VAT1L: variants seen among roughly 807,000 people sequenced by gnomAD.
The protein encoded by VAT1L is vesicle amine transport 1 like.
In VAT1L, 34 loss-of-function variants were observed where a neutral mutation model predicts 44.1. The observed-to-expected ratio is 0.77, with a 90% CI of 0.59 to 1.03. The LOEUF is 1.03. VAT1L is among the 50% of genes least tolerant of loss of function. The pLI is 0.00. For missense variants in VAT1L, 615 were observed against 538.8 expected (o/e 1.14, Z -1.40); for synonymous variants, 253 against 202.2 (o/e 1.25, Z -2.13).
chr16:77,945,974 G>A (rs543396931), intron 7 of VAT1L, among the ~76,000 whole-genome samples: 93 of 151,916 alleles, frequency 6.1e-4, no homozygotes, highest in Admixed American at 8.5e-4. Context: ...CCTAATTTTT[G>A]TATTTGTAGC....
chr16:77,972,313 G>T (rs909809328), intron 8 of VAT1L, among the ~76,000 whole-genome samples: 1 of 151,954 alleles, frequency 6.6e-6, no homozygotes, highest in African/African-American at 2.4e-5. Context: ...TGGTTCCACA[G>T]ATTTTTTTTT....
In VAT1L at chr16:77,894,777, G is replaced by A. The variant is rs577923922; in HGVS notation, c.1077+9975G>A. On this transcript the variant is annotated intron_variant, in intron 7 of 8. Coordinates refer to ENST00000302536, the MANE Select transcript of VAT1L (RefSeq NM_020927.3). ...CTAAGATAGATATGCTAGTATACAC[G>A]TATATTACACATGAGAAAGGGAGAG... is the stretch of plus-strand genomic sequence containing the variant. Among the ~76,000 whole-genome samples, 8 of 152,194 alleles carry A rather than the reference G, an allele frequency of 5.3e-5. No individual in the cohort carries two copies. The South Asian group carries it at 6.2e-4, about 12-fold the overall frequency.
At chr16:77,951,281 C>G (rs1312408390) in intron 7 of VAT1L, among the ~76,000 whole-genome samples, 4 of 152,210 alleles carry the variant, frequency 2.6e-5, no homozygotes, top group Non-Finnish European at 5.9e-5. Flanking sequence ...TGTAGTGGCT[C>G]ACGCCTGTAA....
At chr16:77,961,301 C>T (rs567332148) in intron 7 of VAT1L, among the ~76,000 whole-genome samples, 7 of 152,118 alleles carry the variant, frequency 4.6e-5, no homozygotes, top group Non-Finnish European at 8.8e-5. Context: ...GCCCACTCCG[C>T]TTTGCTAAGT....
At chr16:77,908,181 G>T (rs2142482311) in intron 7 of VAT1L, among the ~76,000 whole-genome samples, 1 of 151,676 alleles carries the variant, frequency 6.6e-6, no homozygotes, top group African/African-American at 2.4e-5. Context: ...GGAGCTTGCA[G>T]TGAGCCGAGA....
chr16:77,803,486 C>G (rs1285661830), intron 1 of VAT1L, among the ~76,000 whole-genome samples: 1 of 130,368 alleles, frequency 7.7e-6, no homozygotes, highest in Admixed American at 9.8e-5. Flanking sequence ...ATGGTGCGAT[C>G]TCGGCTCACT....
chr16:77,811,996 G>C (rs189454018), intron 1 of VAT1L, among the ~76,000 whole-genome samples: 51 of 152,080 alleles, frequency 3.4e-4, no homozygotes, highest in Non-Finnish European at 5.0e-4. Context: ...AAACTCCACC[G>C]CTAATTGATG....
At chr16:77,934,997 A>AG (rs1252819479) in intron 7 of VAT1L, among the ~76,000 whole-genome samples, 2 of 152,034 alleles carry the variant, frequency 1.3e-5, no homozygotes, top group East Asian at 3.9e-4. Context: ...CTTTGAGTAT[A>AG]GGGGGGATAA....
intron 1 of VAT1L, among the ~76,000 whole-genome samples, chr16:77,802,985 G>A (rs368863089): frequency 5.3e-5 from 8 of 152,214 alleles, no homozygotes; most frequent in African/African-American, 1.2e-4. Context: ...GATTTCTTTC[G>A]TGAGAAGAAA....
chr16:77,977,750 T>G lies in VAT1L; in HGVS notation c.*55T>G, dbSNP rs968659306. On this transcript the variant is annotated 3_prime_UTR_variant, in exon 9 of 9. Transcript: ENST00000302536. ...ATGGTTTGGAAGATGAGGACCCGGC[T>G]GAGAAAACTCTTCTGTGCCCCAGTG... 6.5e-7 allele frequency: 1 copy of G among 1,538,310 alleles called. No homozygotes were observed. Among genetic ancestry groups the G allele is most frequent in the African/African-American group, 1.4e-5 (1 of 73,162 alleles).
chr16:77,977,060 G>A (rs908299529), intron 8 of VAT1L, among the ~76,000 whole-genome samples: 4 of 152,118 alleles, frequency 2.6e-5, no homozygotes, highest in Non-Finnish European at 5.9e-5. Flanking sequence ...GCGCTCCAGG[G>A]GCACCTCTTG....
At chr16:77,829,059 A>G (rs2016552452) in intron 3 of VAT1L, among the ~76,000 whole-genome samples, 1 of 152,178 alleles carries the variant, frequency 6.6e-6, no homozygotes, top group African/African-American at 2.4e-5. Flanking sequence ...AGAAAATCAA[A>G]GTAGCGAATT....
At chr16:77,799,554 T>G (rs867714654) in intron 1 of VAT1L, among the ~76,000 whole-genome samples, 41 of 111,920 alleles carry the variant, frequency 3.7e-4, no homozygotes, top group African/African-American at 1.4e-3. Context: ...TGTGTGTGTG[T>G]GTGGTGTGTA....
Position 77,825,382 on chromosome 16 carries a change from C to T in VAT1L, c.500C>T (p.Thr167Ile), listed in dbSNP as rs1193461786. The T allele has an allele frequency of 6.2e-7, 1 of 1,613,916 alleles. No individual in the cohort carries two copies. Among genetic ancestry groups the T allele is most frequent in the Non-Finnish European group, 8.5e-7 (1 of 1,179,954 alleles). The change falls in exon 3 of 9, where the codon ACA becomes ATA. Residue 167 changes from threonine to isoleucine, a missense_variant. By Grantham distance (89) the Thr-to-Ile change is moderately conservative. Transcript: ENST00000302536. ...EAAAFPMNFV[T>I]AYVMLFEVAN... is the part of the protein sequence containing the mutation. ...GCTGCATTCCCCATGAACTTCGTCA[C>T]AGCCTATGTGATGCTGTTTGAAGTT...
intron 7 of VAT1L, among the ~76,000 whole-genome samples, chr16:77,911,376 T>G (rs1472970293): frequency 6.6e-6 from 1 of 152,176 alleles, no homozygotes. Flanking sequence ...TCTCATCCTG[T>G]GGCATAGTGT....
intron 7 of VAT1L, among the ~76,000 whole-genome samples, chr16:77,958,386 C>T (rs1464752896): frequency 3.9e-5 from 6 of 152,172 alleles, no homozygotes; most frequent in South Asian, 2.1e-4. Context: ...GATATTTTCC[C>T]GCAGGTCTTT....
At chr16:77,957,970 T>C (rs1420728194) in intron 7 of VAT1L, among the ~76,000 whole-genome samples, 1 of 152,066 alleles carries the variant, frequency 6.6e-6, no homozygotes, top group Non-Finnish European at 1.5e-5. Context: ...TACAATGGTG[T>C]GCTCTCAGCT....
chr16:77,978,387 G>A lies in VAT1L; in HGVS notation c.*692G>A, dbSNP rs759210728. On this transcript the variant is annotated 3_prime_UTR_variant, in exon 9 of 9. Transcript: ENST00000302536. ...GTCAACAGCATGAGTTTGAGGACCTGCTGTGAAGATTTCTCCTCCAAAATA... is the reference window on the plus strand; with the variant it reads ...GTCAACAGCATGAGTTTGAGGACCTACTGTGAAGATTTCTCCTCCAAAATA... The A allele has an allele frequency of 6.6e-6, 1 of 152,244 alleles. No individual in the cohort carries two copies. The highest frequency in any genetic ancestry group is 1.5e-5 in the Non-Finnish European group (1 of 68,084). The allele number at this position is 152,244 out of a possible 1,614,324, so 9.4% of individuals were successfully genotyped here. A position where few individuals can be genotyped will look rare whatever the true frequency, so the allele number is the denominator to read the frequency against.
chr16:77,793,490 A>G (rs1441402086), intron 1 of VAT1L, among the ~76,000 whole-genome samples: 3 of 152,170 alleles, frequency 2.0e-5, no homozygotes, highest in Admixed American at 2.0e-4. Flanking sequence ...CTTTGCTGCT[A>G]TCAGTCTTGT....
Sources: gnomAD v4.1 joint callset for allele counts (sites outside exome capture counted in the v4.1 genomes callset) on GRCh38, gnomAD v4.1.1 for gene constraint, MANE v1.5 for transcripts, NCBI Gene and HGNC (gene_info 2026-07-23, HGNC 2026-07-21) for gene names.